RBFOX1: variants seen among roughly 807,000 people sequenced by gnomAD.
The protein encoded by RBFOX1 is RNA binding protein fox-1 homolog 1.
A neutral mutation model predicts 57.7 loss-of-function variants in RBFOX1; 8 were observed. The ratio of observed to expected loss-of-function variants is 0.14; its 90% CI spans 0.08 to 0.25. The LOEUF is 0.25. Among genes scored for constraint, RBFOX1 ranks in the 10% least tolerant of loss-of-function variants. The probability of loss-of-function intolerance (pLI) is 1.00; values close to 1 mark genes in which losing one functional copy is unlikely to be tolerated. For synonymous variants in RBFOX1, 326 were observed against 222.4 expected (o/e 1.47, Z -4.15); for missense variants, 611 against 548.5 (o/e 1.11, Z -1.14).
chr16:7,165,575 A>C (rs1326525436), intron 4 of RBFOX1, among the ~76,000 whole-genome samples: 3 of 151,712 alleles, frequency 2.0e-5, no homozygotes, highest in Non-Finnish European at 4.4e-5. Context: ...GATTACGGGC[A>C]TGCACCACCA....
At chr16:6,290,437 A>T (rs1436685279) in intron 1 of RBFOX1, among the ~76,000 whole-genome samples, 1 of 151,684 alleles carries the variant, frequency 6.6e-6, no homozygotes, top group Non-Finnish European at 1.5e-5. Flanking sequence ...TTTAGAAACT[A>T]CCTTTTTTAT....
intron 3 of RBFOX1, among the ~76,000 whole-genome samples, chr16:5,736,233 G>C (rs140532398): frequency 6.6e-6 from 1 of 152,166 alleles, no homozygotes; most frequent in African/African-American, 2.4e-5. Context: ...TGAACCTGGC[G>C]TCCTGGAGAC....
chr16:7,001,425 T>A (rs2092791980), intron 3 of RBFOX1, among the ~76,000 whole-genome samples: 2 of 151,100 alleles, frequency 1.3e-5, no homozygotes, highest in South Asian at 4.2e-4. Flanking sequence ...TATGTATATG[T>A]ATATGTATAT....
chr16:7,344,414 A>T (rs1250151436), intron 4 of RBFOX1, among the ~76,000 whole-genome samples: 2 of 149,960 alleles, frequency 1.3e-5, no homozygotes, highest in Non-Finnish European at 3.0e-5. Flanking sequence ...ATATTTCAAT[A>T]ATATATGCAA....
At chr16:5,890,803 A>C (rs1027332954) in intron 4 of RBFOX1, among the ~76,000 whole-genome samples, 2 of 151,462 alleles carry the variant, frequency 1.3e-5, no homozygotes, top group African/African-American at 2.4e-5. Context: ...GCCATTTAGG[A>C]TGACTAAGAG....
chr16:6,386,559 C>T (rs543788018), intron 2 of RBFOX1, among the ~76,000 whole-genome samples: 8 of 152,210 alleles, frequency 5.3e-5, no homozygotes, highest in Admixed American at 5.2e-4. Flanking sequence ...GAAAAAGCAG[C>T]AACAACCAAT....
At position 6,779,999 on chromosome 16, in the gene RBFOX1, ATATATATTTATATATATT is replaced by A. The variant is rs1567211226; in HGVS notation, c.-16+125375_-16+125392del. Among the ~76,000 whole-genome samples, 36 of 18,608 alleles carry A rather than the reference ATATATATTTATATATATT, an allele frequency of 1.9e-3. 9 individuals are homozygous for A. The highest frequency in any genetic ancestry group is 2.4e-3 in the Non-Finnish European group (29 of 11,982). 12.2% of individuals were successfully genotyped at this position (18,608 alleles called of 152,430 possible). On this transcript the variant is annotated intron_variant, in intron 3 of 15. Coordinates refer to ENST00000550418, the MANE Select transcript of RBFOX1 (RefSeq NM_018723.4). ...TATATATTTATATATTTATATATTTATATATATTTATATATATTTATATATTTATATATATTTATATAT... is the reference window on the plus strand; with the variant it reads ...TATATATTTATATATTTATATATTTATATATATTTATATATATTTATATAT...
chr16:5,428,665 G>A (rs908231773), intron 1 of RBFOX1, among the ~76,000 whole-genome samples: 1 of 152,170 alleles, frequency 6.6e-6, no homozygotes, highest in African/African-American at 2.4e-5. Context: ...GAAACCTGGA[G>A]GGTGAGGAGG....
At position 5,915,505 on chromosome 16, in the gene RBFOX1, G is replaced by A. The variant is rs1001253469; in HGVS notation, c.351+48170G>A. 2.0e-5 allele frequency among the ~76,000 whole-genome samples: 3 copies of A among 152,156 alleles called. No homozygotes were observed. In the East Asian group the frequency reaches 5.8e-4, roughly 29 times the overall value. ...AATGAGACGGCAGGGTTCCTTCAGA[G>A]AGGACCTACTTTTAGTAGGTAGTCA... On this transcript the variant is annotated intron_variant, in intron 4 of 19. Coordinates refer to the RBFOX1 transcript ENST00000641259.
chr16:6,686,811 A>G lies in RBFOX1; in HGVS notation c.-16+32161A>G, dbSNP rs192707952. 9.8e-3 allele frequency among the ~76,000 whole-genome samples: 1,488 copies of G among 152,274 alleles called. 19 individuals carry two copies. Among genetic ancestry groups the G allele is most frequent in the Middle Eastern group, 0.031 (9 of 294 alleles). On this transcript the variant is annotated intron_variant, in intron 3 of 15. Transcript: ENST00000550418. ...AGTTAACACATCAAGAAACCCACAG[A>G]TTGCACGTCCTTTTTAAACATTCTC... is the stretch of plus-strand genomic sequence containing the variant.
intron 4 of RBFOX1, among the ~76,000 whole-genome samples, chr16:7,054,326 G>C (rs574925429): frequency 7.6e-6 from 1 of 131,830 alleles, no homozygotes; most frequent in African/African-American, 2.8e-5. Flanking sequence ...CGCAACCTCT[G>C]ACTCCCTGGT....
chr16:6,954,971 C>T (rs1420457476), intron 3 of RBFOX1, among the ~76,000 whole-genome samples: 1 of 151,730 alleles, frequency 6.6e-6, no homozygotes, highest in Non-Finnish European at 1.5e-5. Flanking sequence ...TGGCTCGTGC[C>T]CATAATCTGA....
intron 1 of RBFOX1, among the ~76,000 whole-genome samples, chr16:6,230,531 G>A (rs2097451367): frequency 6.6e-6 from 1 of 152,066 alleles, no homozygotes; most frequent in Admixed American, 6.6e-5. Context: ...AAAGCCTAGA[G>A]GCTTAAAACC....
In RBFOX1 at chr16:5,954,650, G is replaced by T. The variant is rs537944783; in HGVS notation, c.351+87315G>T. 2.0e-5 allele frequency among the ~76,000 whole-genome samples: 3 copies of T among 152,268 alleles called. No homozygotes were observed. The East Asian group carries it at 5.8e-4, about 30-fold the overall frequency. ...TGGAAACTGTAATGAGGACTCATAA[G>T]TTGGCAGAGCAGTCAGTAATCACCC... On this transcript the variant is annotated intron_variant, in intron 4 of 19. Transcript: ENST00000641259.
chr16:6,094,206 A>G (rs2096215277), intron 1 of RBFOX1, among the ~76,000 whole-genome samples: 1 of 152,182 alleles, frequency 6.6e-6, no homozygotes, highest in Non-Finnish European at 1.5e-5. Context: ...TGTGCTTTCC[A>G]TGGATGAGGA....
chr16:6,714,561 G>C (rs910057837), intron 3 of RBFOX1, among the ~76,000 whole-genome samples: 3 of 152,126 alleles, frequency 2.0e-5, no homozygotes, highest in African/African-American at 7.2e-5. Context: ...CATTGGTAGA[G>C]GGGTTCTGCT....
Position 6,783,172 on chromosome 16 carries a change from T to TA in RBFOX1, c.-16+128531dup, listed in dbSNP as rs35783366. ...TAGGCAGCATATAGTTGGGTCTTTT[T>TA]AAAAAAAAATTTATTCAGCTAGTCT... is the stretch of plus-strand genomic sequence containing the variant. On this transcript the variant is annotated intron_variant, in intron 3 of 15. Transcript: ENST00000550418. Among the ~76,000 whole-genome samples, 20 of 151,684 alleles carry TA rather than the reference T, an allele frequency of 1.3e-4. No individual in the cohort carries two copies. In the East Asian group the frequency reaches 2.3e-3, roughly 18 times the overall value.
At chr16:7,248,257 C>G (rs978048668) in intron 4 of RBFOX1, among the ~76,000 whole-genome samples, 3 of 152,168 alleles carry the variant, frequency 2.0e-5, no homozygotes, top group African/African-American at 7.2e-5. Flanking sequence ...GTGAGTGGCA[C>G]ATGAACGGCT....
rs185584732 is a variant in RBFOX1, at chr16:6,927,803, A to G, written c.-15-124254A>G. 2.3e-3 allele frequency among the ~76,000 whole-genome samples: 346 copies of G among 152,294 alleles called. 1 individual carries two copies. Among genetic ancestry groups the G allele is most frequent in the Middle Eastern group, 6.8e-3 (2 of 294 alleles). On this transcript the variant is annotated intron_variant, in intron 3 of 15. Coordinates refer to ENST00000550418, the MANE Select transcript of RBFOX1 (RefSeq NM_018723.4). ...TTCTGTTGAATTAAGCCACCACCCTAAAGAGCCAGAAGCCTAACACTGAAG... is the reference window on the plus strand; with the variant it reads ...TTCTGTTGAATTAAGCCACCACCCTGAAGAGCCAGAAGCCTAACACTGAAG...
Sources: gnomAD v4.1 joint callset for allele counts (sites outside exome capture counted in the v4.1 genomes callset) on GRCh38, gnomAD v4.1.1 for gene constraint, MANE v1.5 for transcripts, NCBI Gene and HGNC (gene_info 2026-07-23, HGNC 2026-07-21) for gene names.